The following GRK1 variants were observed in gnomAD, a reference collection of about 807,000 sequenced individuals.
GRK1 encodes the protein G protein-coupled receptor kinase 1.
Under a neutral mutation model 41.7 loss-of-function variants are expected in GRK1, and 28 were observed. The ratio of observed to expected loss-of-function variants is 0.67; its 90% CI spans 0.50 to 0.92. GRK1 has a LOEUF of 0.92. GRK1 is among the 40% of genes least tolerant of loss of function. The probability of loss-of-function intolerance (pLI) is 0.00; values close to 1 mark genes in which losing one functional copy is unlikely to be tolerated. For synonymous variants in GRK1, 327 were observed against 286.7 expected, an observed-to-expected ratio of 1.14 and a Z score of -1.42; for missense variants, 703 against 671.2, an observed-to-expected ratio of 1.05 and a Z score of -0.52.
chr13:113,665,175 C>A (rs74999777), upstream of GRK1, among the ~76,000 whole-genome samples: 412 of 152,316 alleles, frequency 2.7e-3, 2 homozygotes, highest in African/African-American at 9.4e-3. Context: ...TTCTGCGACC[C>A]TTTGCTTCCT....
At chr13:113,728,362 T>TGAGGAGTACCCATGGC (rs1360034601) in intron 4 of GRK1, among the ~76,000 whole-genome samples, 2 of 125,156 alleles carry the variant, frequency 1.6e-5, no homozygotes, top group Admixed American at 7.7e-5. Flanking sequence ...CCCATGGCGA[T>TGAGGAGTACCCATGGC]GAGGAGTACC....
In GRK1 at chr13:113,737,091, G is replaced by C. The variant is rs1217130998; in HGVS notation, c.*1728G>C. The C allele has an allele frequency of 2.0e-5, 3 of 152,548 alleles. No individual in the cohort carries two copies. Among genetic ancestry groups the C allele is most frequent in the Admixed American group, 6.5e-5 (1 of 15,292 alleles). The allele number at this position is 152,548 out of a possible 1,614,324, so 9.4% of individuals were successfully genotyped here. On this transcript the variant is annotated 3_prime_UTR_variant, in exon 7 of 7. Coordinates refer to ENST00000335678, the MANE Select transcript of GRK1 (RefSeq NM_002929.3). ...GCTGCCAGGTCGTCCTCTTCCTGTT[G>C]GGGAGAAGAGGACCCTGGCAATCCA...
At chr13:113,659,100 G>A in the GRK1 span, among the ~76,000 whole-genome samples, 6 of 152,252 alleles carry the variant, frequency 3.9e-5, no homozygotes, top group Admixed American at 3.9e-4. Context: ...ACTTCCGCCC[G>A]GAGATTCTGC....
chr13:113,649,297 C>A, the GRK1 span: 3 of 1,493,970 alleles, frequency 2.0e-6, no homozygotes, highest in South Asian at 1.3e-5. This position sits in a 1 kb window ranked among gnomAD's most constrained non-coding sequence, Gnocchi z 4.7. Flanking sequence ...AGGGAACTGA[C>A]GGGCAAGGTA....
chr13:113,733,672 CG>C (rs1414626481), intron 6 of GRK1, among the ~76,000 whole-genome samples: 1 of 89,104 alleles, frequency 1.1e-5, no homozygotes, highest in Non-Finnish European at 2.5e-5. Context: ...CGTGTGTGCA[CG>C]TGTGTGCATG....
At chr13:113,650,278 C>T in the GRK1 span, 2 of 850,412 alleles carry the variant, frequency 2.4e-6, no homozygotes, top group Non-Finnish European at 1.9e-6. The surrounding 1 kb of genome is among the most constrained non-coding windows in gnomAD (Gnocchi z 5.0). Flanking sequence ...CAGAACGTTC[C>T]AGTCAGGACC....
chr13:113,670,314 C>T (rs142386396), intron 2 of GRK1, among the ~76,000 whole-genome samples: 7 of 152,322 alleles, frequency 4.6e-5, no homozygotes, highest in Non-Finnish European at 7.4e-5. Context: ...GAGACAGGCC[C>T]CAGGCCCGTG....
chr13:113,649,833 G>A, the GRK1 span, among the ~76,000 whole-genome samples: 3 of 152,124 alleles, frequency 2.0e-5, no homozygotes, highest in Admixed American at 6.5e-5. The surrounding 1 kb of genome is among the most constrained non-coding windows in gnomAD (Gnocchi z 4.7). Context: ...GAAAGTCTTC[G>A]AAGTGGATAT....
chr13:113,652,772 C>A, the GRK1 span: 1 of 1,400,068 alleles, frequency 7.1e-7, no homozygotes, highest in Non-Finnish European at 9.9e-7. Flanking sequence ...CCCGCTTGGG[C>A]AAGCCCCAGA....
the GRK1 span, among the ~76,000 whole-genome samples, chr13:113,651,980 G>A: frequency 9.9e-5 from 15 of 152,192 alleles, no homozygotes; most frequent in South Asian, 1.2e-3. Flanking sequence ...TTCAGGAGGC[G>A]GCTGGCAGGA....
At chr13:113,726,819 C>T (rs1594575573) in intron 4 of GRK1, among the ~76,000 whole-genome samples, 1 of 152,198 alleles carries the variant, frequency 6.6e-6, no homozygotes, top group South Asian at 2.1e-4. Flanking sequence ...ATTCTGACGT[C>T]CGTGTAATCC....
In GRK1 at chr13:113,731,381, G is replaced by C. The variant is rs746153061; in HGVS notation, c.1194+38G>C. 3.8e-5 allele frequency: 58 copies of C among 1,535,954 alleles called. No homozygotes were observed. Among genetic ancestry groups the C allele is most frequent in the South Asian group, 2.4e-4 (20 of 83,994 alleles). On this transcript the variant is annotated intron_variant, in intron 5 of 6. Transcript: ENST00000335678. This position sits in a 1 kb window ranked among gnomAD's most constrained non-coding sequence, Gnocchi z 5.6. ...CGGCAGGTGTCTCTGCAGCCACCTT[G>C]GCGCCCTGGCTCTCGATGGGGACGG...
At position 113,671,855 on chromosome 13, in the gene GRK1, C is replaced by G. The variant is rs1215829603; in HGVS notation, c.985+199C>G. Among the ~76,000 whole-genome samples, 3 of 152,090 alleles carry G rather than the reference C, an allele frequency of 2.0e-5. No individual in the cohort carries two copies. The highest frequency in any genetic ancestry group is 6.5e-5 in the Admixed American group (1 of 15,276). On this transcript the variant is annotated intron_variant, in intron 3 of 6. Transcript: ENST00000335678. The surrounding 1 kb of genome is among the most constrained non-coding windows in gnomAD (Gnocchi z 4.1). ...GGAGTGAGTGCAGGGGTCTGTGGTG[C>G]AGAACCAGCTGGGAACGGCGAGTCT... is the stretch of plus-strand genomic sequence containing the variant.
chr13:113,654,517 T>G, the GRK1 span, among the ~76,000 whole-genome samples: 4 of 152,266 alleles, frequency 2.6e-5, no homozygotes, highest in African/African-American at 9.6e-5. Context: ...ACAAAACCCT[T>G]CTGTTTCATA....
At chr13:113,658,162 C>A in the GRK1 span, 2 of 1,604,336 alleles carry the variant, frequency 1.2e-6, no homozygotes, top group Non-Finnish European at 8.5e-7. Flanking sequence ...GGCCTGAGAT[C>A]CTCCCGTCTG....
Position 113,667,359 on chromosome 13 carries a change from A to G in GRK1, c.-28A>G, listed in dbSNP as rs1206144316. 3.0e-5 allele frequency: 45 copies of G among 1,511,346 alleles called. No individual in the cohort carries two copies. The highest frequency in any genetic ancestry group is 4.0e-5 in the Non-Finnish European group (45 of 1,128,262). The allele number at this position is 1,511,346 out of a possible 1,614,324, so 93.6% of individuals were successfully genotyped here. On this transcript the variant is annotated 5_prime_UTR_variant, in exon 1 of 7. Coordinates refer to ENST00000335678, the MANE Select transcript of GRK1 (RefSeq NM_002929.3). The surrounding 1 kb of genome is among the most constrained non-coding windows in gnomAD (Gnocchi z 7.5). ...GCTTGGCCTCGGCTGATGGGCCCTC[A>G]CGCCTGAAGCGGGCAGGAAGCTCCG...
At chr13:113,668,212 G>A in intron 1 of GRK1, 127 bp downstream of exon 1, 1 of 1,033,670 alleles carries the variant, frequency 9.7e-7, no homozygotes, top group Non-Finnish European at 1.4e-6. Flanking sequence ...AAGGGAGCAT[G>A]CATGCCAGCC....
At chr13:113,733,989 C>CGTGT (rs2049979852) in intron 6 of GRK1, among the ~76,000 whole-genome samples, 2 of 114,468 alleles carry the variant, frequency 1.7e-5, no homozygotes, top group Non-Finnish European at 3.8e-5. Flanking sequence ...CATGTGTGTG[C>CGTGT]ATACATGTGT....
upstream of GRK1, among the ~76,000 whole-genome samples, chr13:113,662,617 G>A (rs1281494238): frequency 6.6e-6 from 1 of 152,220 alleles, no homozygotes; most frequent in Non-Finnish European, 1.5e-5. Flanking sequence ...GATATGAGAT[G>A]AAGGTGCAAA....
Sources: gnomAD v4.1 joint callset for allele counts (sites outside exome capture counted in the v4.1 genomes callset) on GRCh38, gnomAD v4.1.1 for gene constraint, Gnocchi (gnomAD v3.1) non-coding constraint, MANE v1.5 for transcripts, NCBI Gene and HGNC (gene_info 2026-07-23, HGNC 2026-07-21) for gene names.